Variants in RBM33 observed in about 807,000 individuals in gnomAD.
RBM33 encodes RNA-binding protein 33.
A neutral mutation model predicts 132.6 loss-of-function variants in RBM33; 28 were observed. The ratio of observed to expected loss-of-function variants is 0.21; its 90% CI spans 0.16 to 0.29. The LOEUF is 0.29. Ranked by LOEUF, RBM33 falls within the 10% of genes least tolerant of loss-of-function variation. The pLI is 1.00. For missense variants in RBM33, 1,291 were observed against 1,518.5 expected, an observed-to-expected ratio of 0.85 and a Z score of 2.49; for synonymous variants, 634 against 593.0, an observed-to-expected ratio of 1.07 and a Z score of -1.01.
At chr7:155,694,799 C>G (rs1228731565) in intron 5 of RBM33, among the ~76,000 whole-genome samples, 2 of 152,096 alleles carry the variant, frequency 1.3e-5, no homozygotes, top group East Asian at 3.8e-4. Flanking sequence ...GTTCATTCTC[C>G]CAATGATAGA....
In RBM33 at chr7:155,745,135, C is replaced by G. The variant is rs149124924; in HGVS notation, c.2512C>G (p.Pro838Ala). 1.9e-6 allele frequency: 3 copies of G among 1,602,186 alleles called. No individual in the cohort carries two copies. The highest frequency in any genetic ancestry group is 1.7e-6 in the Non-Finnish European group (2 of 1,174,022). ...AQQQQQLYAP[P>A]PPAEQEEQAL... ...GCAACAGCAGCAGCTGTACGCTCCC[C>G]CACCCCCAGCAGAGCAGGAAGAGCA... Residue 838 changes from proline to alanine, a missense_variant, in exon 14 of 18, where the codon CCA becomes GCA. Pro to Ala is a conservative substitution (Grantham distance 27, BLOSUM62 -1). Transcript: ENST00000401878. This position sits in a 1 kb window ranked among gnomAD's most constrained non-coding sequence, Gnocchi z 4.1.
intron 7 of RBM33, among the ~76,000 whole-genome samples, chr7:155,708,077 A>AT (rs1183748193): frequency 6.6e-6 from 1 of 152,198 alleles, no homozygotes; most frequent in Non-Finnish European, 1.5e-5. Flanking sequence ...CCGTTTTTAC[A>AT]TTTTTATCTG....
At chr7:155,673,766 G>GCACGCA (rs776340484) in intron 3 of RBM33, among the ~76,000 whole-genome samples, 2 of 120,298 alleles carry the variant, frequency 1.7e-5, no homozygotes, top group African/African-American at 3.9e-5. Flanking sequence ...GCGCGCATGC[G>GCACGCA]CGCACACACA....
Position 155,739,817 on chromosome 7 carries a change from C to T in RBM33, c.1840C>T (p.Gln614Ter). The T allele has an allele frequency of 8.0e-7, 1 of 1,249,066 alleles. No homozygotes were observed. The allele number at this position is 1,249,066 out of a possible 1,614,324, so 77.4% of individuals were successfully genotyped here. The change falls in exon 12 of 18, where the codon CAG becomes TAG. Residue 614 changes from glutamine (Q) to a stop codon, truncating the protein, a stop_gained. Transcript: ENST00000401878. LOFTEE classifies it high-confidence loss of function. ...QHQPPHQPPH[Q>*]PPPQHQPPPQ... is the part of the protein sequence containing the mutation. The stretch of plus-strand genomic sequence containing the variant: ...CCAGCCTCCGCACCAGCCCCCGCAC[C>T]AGCCCCCGCCCCAGCACCAGCCCCC...
At chr7:155,765,082 A>G (rs1490468871) in intron 15 of RBM33, among the ~76,000 whole-genome samples, 1 of 152,246 alleles carries the variant, frequency 6.6e-6, no homozygotes, top group Non-Finnish European at 1.5e-5. Flanking sequence ...AACACCCTCC[A>G]TAACGCGCAC....
In RBM33 at chr7:155,775,421, C is replaced by T. The variant is rs578112427; in HGVS notation, c.*380C>T. The T allele has an allele frequency of 1.4e-5, 5 of 360,420 alleles. No individual in the cohort carries two copies. The highest frequency in any genetic ancestry group is 2.7e-5 in the Non-Finnish European group (5 of 187,950). The allele number at this position is 360,420 out of a possible 1,614,324, so 22.3% of individuals were successfully genotyped here. A position where few individuals can be genotyped will look rare whatever the true frequency, so the allele number is the denominator to read the frequency against. ...CGTCACAAGTTCTAAGTAGTTTTCACAGCAAAGAATATTTGATAATGGTTG... is the reference window on the plus strand; with the variant it reads ...CGTCACAAGTTCTAAGTAGTTTTCATAGCAAAGAATATTTGATAATGGTTG... On this transcript the variant is annotated 3_prime_UTR_variant, in exon 18 of 18. Coordinates refer to ENST00000401878, the MANE Select transcript of RBM33 (RefSeq NM_053043.3).
intron 16 of RBM33, among the ~76,000 whole-genome samples, chr7:155,770,213 C>T (rs923601153): frequency 6.6e-6 from 1 of 152,244 alleles, no homozygotes; most frequent in African/African-American, 2.4e-5. Context: ...TAGATGAAAA[C>T]TTGAAATGGG....
chr7:155,695,395 G>A (rs1378763094), intron 5 of RBM33, among the ~76,000 whole-genome samples: 1 of 152,084 alleles, frequency 6.6e-6, no homozygotes, highest in Non-Finnish European at 1.5e-5. Flanking sequence ...CATTCCATTG[G>A]CAGATAATTA....
intron 3 of RBM33, among the ~76,000 whole-genome samples, chr7:155,673,942 T>TG (rs780547846): frequency 0.31 from 9,614 of 31,038 alleles, 1,951 homozygotes; most frequent in African/African-American, 0.45. Context: ...TAGGCTTAGT[T>TG]TTTTTTTTTT....
chr7:155,684,008 G>A (rs1799404667), intron 5 of RBM33, among the ~76,000 whole-genome samples: 1 of 152,160 alleles, frequency 6.6e-6, no homozygotes, highest in African/African-American at 2.4e-5. Context: ...TGATTCATGG[G>A]TAGTGATAAT....
chr7:155,676,068 T>C (rs957815211), intron 3 of RBM33, among the ~76,000 whole-genome samples: 1 of 152,158 alleles, frequency 6.6e-6, no homozygotes, highest in African/African-American at 2.4e-5. Context: ...ACTGGCTACC[T>C]GAACAATTTT....
At position 155,715,732 on chromosome 7, in the gene RBM33, G is replaced by A. The variant is rs142521880; in HGVS notation, c.1202-2653G>A. Among the ~76,000 whole-genome samples, 7 of 152,310 alleles carry A rather than the reference G, an allele frequency of 4.6e-5. No individual in the cohort carries two copies. In the East Asian group the frequency reaches 7.7e-4, roughly 17 times the overall value. On this transcript the variant is annotated intron_variant, in intron 8 of 17. Coordinates refer to ENST00000401878, the MANE Select transcript of RBM33 (RefSeq NM_053043.3). ...TGCTAGGTAGATAGGCAACACTTTC[G>A]AAGCAGTTGTTTATTCTCTAATAGA... is the stretch of plus-strand genomic sequence containing the variant.
chr7:155,717,613 A>T (rs34052609), intron 8 of RBM33, among the ~76,000 whole-genome samples: 1 of 151,572 alleles, frequency 6.6e-6, no homozygotes, highest in Non-Finnish European at 1.5e-5. Context: ...TGTATCTGCC[A>T]GCACATTTTG....
chr7:155,745,727 T>C lies in RBM33; in HGVS notation c.2979+125T>C, dbSNP rs922417943. The C allele has an allele frequency of 5.3e-5, 50 of 940,014 alleles. No individual in the cohort carries two copies. Among genetic ancestry groups the C allele is most frequent in the Non-Finnish European group, 7.2e-5 (46 of 639,616 alleles). 58.2% of individuals were successfully genotyped at this position (940,014 alleles called of 1,614,324 possible). ...CTCTGTTATAGTCTTGTAACCAATC[T>C]CTACCTACTTGAAGTTGGTATAAGA... On this transcript the variant is annotated intron_variant, in intron 14 of 17. Coordinates refer to ENST00000401878, the MANE Select transcript of RBM33 (RefSeq NM_053043.3). This position sits in a 1 kb window ranked among gnomAD's most constrained non-coding sequence, Gnocchi z 4.1.
At chr7:155,653,457 T>A (rs868167989) in intron 1 of RBM33, among the ~76,000 whole-genome samples, 4 of 151,122 alleles carry the variant, frequency 2.6e-5, no homozygotes, top group Admixed American at 6.6e-5. Flanking sequence ...TTTTCTACAC[T>A]AATGAGATGG....
chr7:155,757,839 G>T (rs1167248874), intron 14 of RBM33, among the ~76,000 whole-genome samples: 1 of 144,422 alleles, frequency 6.9e-6, no homozygotes, highest in Non-Finnish European at 1.5e-5. Context: ...TGCAGAGTGG[G>T]GAGCAGGCGC....
intron 5 of RBM33, among the ~76,000 whole-genome samples, chr7:155,698,436 G>A (rs1225748968): frequency 6.6e-6 from 1 of 152,170 alleles, no homozygotes; most frequent in Non-Finnish European, 1.5e-5. Context: ...ACCATATGGT[G>A]AAGGGGGATG....
intron 14 of RBM33, among the ~76,000 whole-genome samples, chr7:155,749,143 T>C (rs1018773343): frequency 6.6e-6 from 1 of 152,174 alleles, no homozygotes; most frequent in Non-Finnish European, 1.5e-5. Context: ...TAATTTCCAA[T>C]CTGCAAGTGG....
chr7:155,647,973 C>G (rs60376184), intron 1 of RBM33, among the ~76,000 whole-genome samples: 5,796 of 152,220 alleles, frequency 0.038, 356 homozygotes, highest in African/African-American at 0.13. Context: ...TAAAAAGCCT[C>G]CAACCTAGTG....
Sources: gnomAD v4.1 joint callset for allele counts (sites outside exome capture counted in the v4.1 genomes callset) on GRCh38, gnomAD v4.1.1 for gene constraint, Gnocchi (gnomAD v3.1) non-coding constraint, MANE v1.5 for transcripts, NCBI Gene and HGNC (gene_info 2026-07-23, HGNC 2026-07-21) for gene names.